Variants in EFHC2 observed in about 807,000 individuals in gnomAD.
The protein encoded by EFHC2 is EF-hand domain-containing family member C2.
A neutral mutation model predicts 52.7 loss-of-function variants in EFHC2; 18 were observed. The ratio of observed to expected loss-of-function variants is 0.34; its 90% CI spans 0.24 to 0.51. EFHC2 has a LOEUF of 0.51. Among genes scored for constraint, EFHC2 ranks in the 20% least tolerant of loss-of-function variants. The pLI, the probability that EFHC2 is intolerant of heterozygous loss-of-function variation, is 0.97. For missense variants in EFHC2, 513 were observed against 562.5 expected (o/e 0.91, Z 0.89); for synonymous variants, 203 against 204.1 (o/e 0.99, Z 0.04).
intron 2 of EFHC2, among the ~76,000 whole-genome samples, chrX:44,275,580 G>A (rs1602191299): frequency 9.2e-6 from 1 of 108,995 alleles, no homozygotes; most frequent in South Asian, 4.1e-4. Flanking sequence ...TATGATGTAA[G>A]GTGTTATCAT....
intron 11 of EFHC2, among the ~76,000 whole-genome samples, chrX:44,199,734 A>G (rs2036992804): frequency 8.9e-6 from 1 of 112,301 alleles, no homozygotes; most frequent in Non-Finnish European, 1.9e-5. Flanking sequence ...GTAGTAAGAC[A>G]TACTGACATC....
intron 2 of EFHC2, chrX:44,310,515 G>C (rs1450733558): frequency 1.4e-5 from 6 of 420,507 alleles, no homozygotes; most frequent in Non-Finnish European, 2.4e-5. Flanking sequence ...GGCCGGGACC[G>C]GGCGGCTGGG....
rs1374525818 is a variant in EFHC2, at chrX:44,207,932, T to C, written c.1751+21717A>G. Among the ~76,000 whole-genome samples the C allele has an allele frequency of 2.7e-5, 3 of 111,945 alleles. No individual in the cohort carries two copies. In the East Asian group the frequency reaches 8.4e-4, roughly 31 times the overall value. On this transcript the variant is annotated intron_variant, in intron 11 of 14. Transcript: ENST00000420999. ...TCACTAATTGTCACAGGAAGGCAAA[T>C]TAAAATCAAATAAGATATCATCTCA...
At chrX:44,320,721 C>T (rs768028097) in intron 1 of EFHC2, among the ~76,000 whole-genome samples, 1 of 110,237 alleles carries the variant, frequency 9.1e-6, no homozygotes, top group South Asian at 4.0e-4. Flanking sequence ...CTTTCGTTAC[C>T]ATCTTGACTC....
intron 1 of EFHC2, among the ~76,000 whole-genome samples, chrX:44,327,762 A>G (rs921344858): frequency 9.0e-6 from 1 of 111,545 alleles, no homozygotes; most frequent in Non-Finnish European, 1.9e-5. Flanking sequence ...ATTAAGCTAA[A>G]TCACTCAAAA....
At chrX:44,290,368 A>G (rs2037784184) in intron 2 of EFHC2, among the ~76,000 whole-genome samples, 1 of 111,870 alleles carries the variant, frequency 8.9e-6, no homozygotes, top group African/African-American at 3.3e-5. Flanking sequence ...TGTATTATAT[A>G]CTTCCTTACA....
intron 12 of EFHC2, among the ~76,000 whole-genome samples, chrX:44,176,796 T>C (rs1324645573): frequency 8.9e-6 from 1 of 112,136 alleles, no homozygotes; most frequent in East Asian, 2.8e-4. Context: ...TGAGGGTGTT[T>C]TTCTGTTCTT....
At chrX:44,169,948 C>T (rs181279980) in intron 13 of EFHC2, among the ~76,000 whole-genome samples, 109 of 112,012 alleles carry the variant, frequency 9.7e-4, no homozygotes, top group Non-Finnish European at 1.9e-3. Flanking sequence ...TATGTACATG[C>T]TATTTTAAAT....
At chrX:44,165,177 T>A (rs982855043) in intron 13 of EFHC2, among the ~76,000 whole-genome samples, 1 of 111,795 alleles carries the variant, frequency 8.9e-6, no homozygotes, top group African/African-American at 3.2e-5. Flanking sequence ...ATTTTTCTCT[T>A]TTCTTCTCAA....
chrX:44,300,485 A>G (rs1319825540), intron 2 of EFHC2, among the ~76,000 whole-genome samples: 1 of 111,717 alleles, frequency 9.0e-6, no homozygotes, highest in Admixed American at 9.5e-5. Flanking sequence ...AATCGTCTTT[A>G]CAAAAATCAT....
chrX:44,245,050 G>A (rs1008693566), intron 7 of EFHC2, among the ~76,000 whole-genome samples: 31 of 111,771 alleles, frequency 2.8e-4, no homozygotes, highest in South Asian at 1.1e-3. Context: ...CATTTCATAG[G>A]GGAAGCAAAA....
At chrX:44,223,589 G>A (rs1280719853) in intron 11 of EFHC2, among the ~76,000 whole-genome samples, 1 of 110,789 alleles carries the variant, frequency 9.0e-6, no homozygotes, top group Non-Finnish European at 1.9e-5. Context: ...ACCAGACAGT[G>A]ACAGAATCAA....
rs1024402732 is a variant in EFHC2 at position 44,206,169 on chromosome X, A to T, written c.1751+23480T>A. Among the ~76,000 whole-genome samples, 3 of 111,933 alleles carry T rather than the reference A, an allele frequency of 2.7e-5. No homozygotes were observed. The South Asian group carries it at 1.1e-3, about 41-fold the overall frequency. ...TAAAGCAAAAAATTATTTGAAACAA[A>T]TGAAAACAGAGACACAACATACCAA... On this transcript the variant is annotated intron_variant, in intron 11 of 14. Transcript: ENST00000420999.
chrX:44,310,499 G>C, intron 2 of EFHC2: 1 of 491,131 alleles, frequency 2.0e-6, no homozygotes, highest in Non-Finnish European at 3.2e-6. Flanking sequence ...GCAAAGGAGA[G>C]TGAGGGGCCG....
intron 8 of EFHC2, among the ~76,000 whole-genome samples, chrX:44,239,645 A>C (rs1323532848): frequency 8.9e-6 from 1 of 112,435 alleles, no homozygotes; most frequent in Non-Finnish European, 1.9e-5. Flanking sequence ...TCTCATGTAA[A>C]AAATGGGTAC....
At position 44,241,891 on chromosome X, in the gene EFHC2, G is replaced by A. The variant is rs144364703; in HGVS notation, c.1280+230C>T. ...AGATATGGAAAGGCAACATAGACTA[G>A]AGATAATATTACTTTAGGGGCCTCC... On this transcript the variant is annotated intron_variant, in intron 8 of 14. Transcript: ENST00000420999. 2.4e-4 allele frequency among the ~76,000 whole-genome samples: 27 copies of A among 112,037 alleles called. No individual in the cohort carries two copies. In the East Asian group the frequency reaches 5.2e-3, roughly 22 times the overall value.
intron 14 of EFHC2, among the ~76,000 whole-genome samples, chrX:44,161,444 G>A (rs941883248): frequency 1.8e-5 from 2 of 111,908 alleles, no homozygotes; most frequent in South Asian, 3.8e-4. Flanking sequence ...TATGCAAAGA[G>A]CCTCTAGACA....
intron 10 of EFHC2, among the ~76,000 whole-genome samples, chrX:44,230,985 A>C (rs2037271908): frequency 8.9e-6 from 1 of 111,953 alleles, no homozygotes; most frequent in Non-Finnish European, 1.9e-5. Context: ...CTCAGCTATT[A>C]ATGTGGAGTC....
chrX:44,307,307 G>A (rs2037912887), intron 2 of EFHC2, among the ~76,000 whole-genome samples: 1 of 111,876 alleles, frequency 8.9e-6, no homozygotes, highest in Non-Finnish European at 1.9e-5. Context: ...ATATTGCTAG[G>A]ATTAAAAGCT....
Sources: gnomAD v4.1 joint callset for allele counts (sites outside exome capture counted in the v4.1 genomes callset) on GRCh38, gnomAD v4.1.1 for gene constraint, MANE v1.5 for transcripts, NCBI Gene and HGNC (gene_info 2026-07-23, HGNC 2026-07-21) for gene names.